CLOCK: variants seen among roughly 807,000 people sequenced by gnomAD.
CLOCK encodes the protein clock circadian regulator.
Under a neutral mutation model 118.4 loss-of-function variants are expected in CLOCK, and 43 were observed. The observed-to-expected ratio is 0.36, with a 90% CI of 0.28 to 0.47. CLOCK has a LOEUF of 0.47. CLOCK is among the 20% of genes least tolerant of loss of function. The probability of loss-of-function intolerance (pLI) is 1.00; values close to 1 mark genes in which losing one functional copy is unlikely to be tolerated. For missense variants in CLOCK, 846 were observed against 999.9 expected (o/e 0.85, Z 2.08); for synonymous variants, 326 against 339.2 (o/e 0.96, Z 0.43).
At chr4:55,481,130 C>G (rs1577765919) in intron 4 of CLOCK, among the ~76,000 whole-genome samples, 1 of 152,048 alleles carries the variant, frequency 6.6e-6, no homozygotes, top group African/African-American at 2.4e-5. Flanking sequence ...CATAAATTCC[C>G]TATTCACTCC....
intron 2 of CLOCK, among the ~76,000 whole-genome samples, chr4:55,501,085 C>T (rs1728402349): frequency 6.6e-6 from 1 of 152,174 alleles, no homozygotes; most frequent in Admixed American, 6.5e-5. Context: ...AACTACTGAG[C>T]TCAAGCAATC....
At chr4:55,538,747 C>T (rs1249252047) in intron 1 of CLOCK, among the ~76,000 whole-genome samples, 1 of 152,146 alleles carries the variant, frequency 6.6e-6, no homozygotes, top group Non-Finnish European at 1.5e-5. Context: ...TTAAAAGTAA[C>T]ACAGAGAGTC....
chr4:55,517,691 CTA>C (rs1283220606), intron 1 of CLOCK, among the ~76,000 whole-genome samples: 3 of 152,068 alleles, frequency 2.0e-5, no homozygotes, highest in Non-Finnish European at 4.4e-5. Context: ...TTAGAAGAGA[CTA>C]TGTAGATTAG....
chr4:55,519,600 A>C (rs1193727642), intron 1 of CLOCK, among the ~76,000 whole-genome samples: 1 of 152,026 alleles, frequency 6.6e-6, no homozygotes, highest in Non-Finnish European at 1.5e-5. Context: ...CAGCCTGACC[A>C]ACATGGTGAA....
At chr4:55,441,928 C>T (rs1338430832) in intron 21 of CLOCK, among the ~76,000 whole-genome samples, 1 of 152,210 alleles carries the variant, frequency 6.6e-6, no homozygotes, top group Non-Finnish European at 1.5e-5. Flanking sequence ...ATCACCTTAA[C>T]TAGCTATAGA....
At position 55,431,395 on chromosome 4, in the gene CLOCK, G is replaced by A. The variant is rs1007381761; in HGVS notation, c.*4020C>T. On this transcript the variant is annotated 3_prime_UTR_variant, in exon 23 of 23. Transcript: ENST00000513440. ...TATTAAATATACTATAAAAATAGTCGATTCTATTCCTTTGCAATTACTTCA... is the reference window on the plus strand; with the variant it reads ...TATTAAATATACTATAAAAATAGTCAATTCTATTCCTTTGCAATTACTTCA... 6.6e-6 allele frequency: 1 copy of A among 152,148 alleles called. No homozygotes were observed. Among genetic ancestry groups the A allele is most frequent in the Non-Finnish European group, 1.5e-5 (1 of 68,016 alleles). The allele number at this position is 152,148 out of a possible 1,614,324, so 9.4% of individuals were successfully genotyped here. A position where few individuals can be genotyped will look rare whatever the true frequency, so the allele number is the denominator to read the frequency against.
intron 1 of CLOCK, among the ~76,000 whole-genome samples, chr4:55,520,873 GTCAC>G (rs1184514859): frequency 6.6e-6 from 1 of 152,114 alleles, no homozygotes; most frequent in Non-Finnish European, 1.5e-5. Flanking sequence ...ATTTGATCAT[GTCAC>G]TCAAATTCCT....
intron 1 of CLOCK, among the ~76,000 whole-genome samples, chr4:55,532,213 C>G (rs1048203418): frequency 4.6e-5 from 7 of 152,124 alleles, no homozygotes; most frequent in Non-Finnish European, 8.8e-5. Context: ...CAGCTAACAT[C>G]CTATTCAATG....
chr4:55,522,974 A>G (rs1215636842), intron 1 of CLOCK, among the ~76,000 whole-genome samples: 2 of 152,152 alleles, frequency 1.3e-5, no homozygotes, highest in African/African-American at 4.8e-5. Flanking sequence ...GAGGCACAGT[A>G]ACATATAATG....
chr4:55,508,018 T>C (rs915931403), intron 2 of CLOCK, among the ~76,000 whole-genome samples: 1 of 152,148 alleles, frequency 6.6e-6, no homozygotes, highest in Non-Finnish European at 1.5e-5. Flanking sequence ...GTCACATAAC[T>C]AAGTGTTCTC....
intron 1 of CLOCK, among the ~76,000 whole-genome samples, chr4:55,516,726 C>G (rs1352806978): frequency 6.6e-6 from 1 of 152,196 alleles, no homozygotes; most frequent in African/African-American, 2.4e-5. Context: ...TTACTAGCTA[C>G]CATATTTGTG....
intron 7 of CLOCK, among the ~76,000 whole-genome samples, chr4:55,473,240 A>C (rs1019806217): frequency 2.6e-5 from 4 of 152,104 alleles, no homozygotes; most frequent in African/African-American, 9.7e-5. Flanking sequence ...AAAAAAAAGA[A>C]GACAAGTGTT....
intron 1 of CLOCK, among the ~76,000 whole-genome samples, chr4:55,521,530 T>C (rs964317712): frequency 2.0e-5 from 3 of 152,212 alleles, no homozygotes; most frequent in Non-Finnish European, 4.4e-5. Flanking sequence ...AATTACTATG[T>C]TTTATAGAGC....
rs371889849 is a variant in CLOCK, at chr4:55,443,683, T to C, written c.1902+4A>G. The C allele has an allele frequency of 3.7e-6, 6 of 1,611,748 alleles. No homozygotes were observed. In the African/African-American group the frequency reaches 5.3e-5, roughly 14 times the overall value. ...CCATAGCCCGCTGTGCTCAGTAACATTACCTGAGTTGATGTACTCTGTAAA... is the reference window on the plus strand; with the variant it reads ...CCATAGCCCGCTGTGCTCAGTAACACTACCTGAGTTGATGTACTCTGTAAA... On this transcript the variant is annotated splice_donor_region_variant and intron_variant, in intron 20 of 22. Transcript: ENST00000513440.
chr4:55,497,431 A>G (rs1244990499), intron 2 of CLOCK, among the ~76,000 whole-genome samples: 1 of 152,222 alleles, frequency 6.6e-6, no homozygotes, highest in Admixed American at 6.5e-5. Flanking sequence ...GGCAGGTTCC[A>G]GGAATCAGGA....
chr4:55,437,420 C>G (rs1722971972), intron 22 of CLOCK, among the ~76,000 whole-genome samples: 1 of 152,236 alleles, frequency 6.6e-6, no homozygotes, highest in South Asian at 2.1e-4. Context: ...ATCCTGAGGT[C>G]CAGATAAGGG....
chr4:55,537,554 ACTGTGGTGACC>A (rs1327368201), intron 1 of CLOCK, among the ~76,000 whole-genome samples: 2 of 152,006 alleles, frequency 1.3e-5, no homozygotes, highest in African/African-American at 4.8e-5. Context: ...AGACGTCGAC[ACTGTGGTGACC>A]CCGTGATTGG....
intron 21 of CLOCK, chr4:55,442,217 T>G: frequency 3.6e-6 from 2 of 555,008 alleles, no homozygotes; most frequent in Non-Finnish European, 3.2e-6. Context: ...TTGTAGCATA[T>G]TTTTGGACAA....
intron 1 of CLOCK, among the ~76,000 whole-genome samples, chr4:55,533,145 C>A (rs1730665556): frequency 6.6e-6 from 1 of 152,118 alleles, no homozygotes; most frequent in African/African-American, 2.4e-5. Context: ...CATACAGAAT[C>A]TCAAGGGACC....
Sources: allele counts gnomAD v4.1 joint callset (sites outside exome capture counted in the v4.1 genomes callset), GRCh38; gene constraint gnomAD v4.1.1; transcripts MANE v1.5; gene names NCBI Gene and HGNC (gene_info 2026-07-23, HGNC 2026-07-21).